Variants in RBFOX1 observed in about 807,000 individuals in gnomAD.
The protein encoded by RBFOX1 is RNA binding fox-1 homolog 1.
RBFOX1 carries 8 observed loss-of-function variants against 57.7 expected under a neutral mutation model. The ratio of observed to expected loss-of-function variants is 0.14; its 90% CI spans 0.08 to 0.25. RBFOX1 has a LOEUF of 0.25. RBFOX1 is among the 10% of genes least tolerant of loss of function. The pLI, the probability that RBFOX1 is intolerant of heterozygous loss-of-function variation, is 1.00. For synonymous variants in RBFOX1, 326 were observed against 222.4 expected, an observed-to-expected ratio of 1.47 and a Z score of -4.15; for missense variants, 611 against 548.5, an observed-to-expected ratio of 1.11 and a Z score of -1.14.
chr16:6,608,954 C>G (rs2097993110), intron 2 of RBFOX1, among the ~76,000 whole-genome samples: 1 of 152,104 alleles, frequency 6.6e-6, no homozygotes. Context: ...GGGTCACAGC[C>G]TTTTCCAAGT....
chr16:5,786,524 C>G (rs958436199), intron 3 of RBFOX1, among the ~76,000 whole-genome samples: 2 of 152,096 alleles, frequency 1.3e-5, no homozygotes, highest in Non-Finnish European at 2.9e-5. Flanking sequence ...GTTTCTGCCT[C>G]GAGAGGGTTC....
chr16:7,227,834 G>C (rs1015166006), intron 4 of RBFOX1, among the ~76,000 whole-genome samples: 1 of 152,214 alleles, frequency 6.6e-6, no homozygotes, highest in Non-Finnish European at 1.5e-5. Flanking sequence ...TAAGCCCACG[G>C]TGATGATGAC....
intron 1 of RBFOX1, among the ~76,000 whole-genome samples, chr16:6,211,176 T>TGTTTTTGCTTCCATGAGACAGAGC (rs2097294651): frequency 6.9e-6 from 1 of 145,430 alleles, no homozygotes; most frequent in Non-Finnish European, 1.5e-5. Context: ...TGAGACAGAG[T>TGTTTTTGCTTCCATGAGACAGAGC]GTTTTCTTCT....
At chr16:7,645,579 T>C (rs2063589006) in intron 11 of RBFOX1, among the ~76,000 whole-genome samples, 1 of 152,186 alleles carries the variant, frequency 6.6e-6, no homozygotes, top group South Asian at 2.1e-4. Context: ...TATAGGACAT[T>C]GCGTTTCTGT....
At chr16:6,221,333 T>G (rs2097372001) in intron 1 of RBFOX1, among the ~76,000 whole-genome samples, 1 of 152,224 alleles carries the variant, frequency 6.6e-6, no homozygotes, top group Admixed American at 6.5e-5. Context: ...ATTTCATTAC[T>G]AGTGAGGTTG....
intron 3 of RBFOX1, among the ~76,000 whole-genome samples, chr16:6,990,165 A>G (rs994000106): frequency 6.6e-6 from 1 of 152,198 alleles, no homozygotes; most frequent in African/African-American, 2.4e-5. Context: ...TTCAGTAAGT[A>G]TGTGTTGAAG....
chr16:7,377,072 C>T (rs973431060), intron 4 of RBFOX1, among the ~76,000 whole-genome samples: 1 of 152,190 alleles, frequency 6.6e-6, no homozygotes, highest in Admixed American at 6.5e-5. Flanking sequence ...TTAAAATTAG[C>T]TTTCAGTTTC....
chr16:5,395,437 C>G (rs776893152), intron 1 of RBFOX1, among the ~76,000 whole-genome samples: 1 of 148,722 alleles, frequency 6.7e-6, no homozygotes, highest in Non-Finnish European at 1.5e-5. Flanking sequence ...CGGGTGAGGT[C>G]ATGGGCCTTT....
chr16:6,109,822 A>G (rs181261062), intron 1 of RBFOX1, among the ~76,000 whole-genome samples: 201 of 152,322 alleles, frequency 1.3e-3, no homozygotes, highest in African/African-American at 4.5e-3. Flanking sequence ...GATAAGTTAC[A>G]TTCTTTTCTT....
chr16:6,470,596 G>A (rs1007717201), intron 2 of RBFOX1, among the ~76,000 whole-genome samples: 3 of 152,114 alleles, frequency 2.0e-5, no homozygotes, highest in Non-Finnish European at 2.9e-5. Context: ...CTATCCAGTT[G>A]CCTCTTGTGT....
chr16:5,569,203 C>G (rs976935518), intron 2 of RBFOX1, among the ~76,000 whole-genome samples: 3 of 152,126 alleles, frequency 2.0e-5, no homozygotes, highest in East Asian at 3.9e-4. Flanking sequence ...CTCCTAAAGT[C>G]AGGGCATTGG....
chr16:5,465,341 G>C (rs2068920252), intron 1 of RBFOX1, among the ~76,000 whole-genome samples: 1 of 151,806 alleles, frequency 6.6e-6, no homozygotes, highest in Non-Finnish European at 1.5e-5. Flanking sequence ...GACTGGATCA[G>C]GGCCCAGTCT....
At chr16:6,298,310 A>G (rs998695370) in intron 1 of RBFOX1, among the ~76,000 whole-genome samples, 21 of 152,108 alleles carry the variant, frequency 1.4e-4, no homozygotes, top group African/African-American at 5.1e-4. Context: ...TGCTCCATAG[A>G]CACCCTGGCT....
At chr16:6,110,669 A>G (rs11642079) in intron 1 of RBFOX1, among the ~76,000 whole-genome samples, 99,543 of 152,012 alleles carry the variant, frequency 0.65, 32,830 homozygotes, top group Middle Eastern at 0.72. Flanking sequence ...GGAACGGAGG[A>G]GTTGAATATC....
intron 7 of RBFOX1, among the ~76,000 whole-genome samples, chr16:7,590,072 C>T (rs527451363): frequency 9.9e-5 from 15 of 151,980 alleles, no homozygotes; most frequent in African/African-American, 3.6e-4. Context: ...TCAAGACCAG[C>T]CTGGACAACA....
At chr16:7,367,943 A>C (rs1391064375) in intron 4 of RBFOX1, among the ~76,000 whole-genome samples, 1 of 152,030 alleles carries the variant, frequency 6.6e-6, no homozygotes, top group African/African-American at 2.4e-5. Context: ...ACACATCATT[A>C]GCCCAAGGGT....
At chr16:7,421,993 GAATA>G (rs1319674918) in intron 4 of RBFOX1, among the ~76,000 whole-genome samples, 1 of 152,136 alleles carries the variant, frequency 6.6e-6, no homozygotes, top group Non-Finnish European at 1.5e-5. Context: ...GGAGAAAATA[GAATA>G]AAAACCCTCA....
intron 4 of RBFOX1, among the ~76,000 whole-genome samples, chr16:7,241,275 C>G (rs1456904800): frequency 2.6e-5 from 4 of 152,226 alleles, no homozygotes; most frequent in African/African-American, 9.6e-5. Context: ...CTCGGCACTA[C>G]TATTTATTCT....
intron 1 of RBFOX1, among the ~76,000 whole-genome samples, chr16:5,306,982 A>C (rs191939867): frequency 8.5e-5 from 13 of 152,190 alleles, no homozygotes; most frequent in African/African-American, 3.1e-4. Flanking sequence ...ATCTCAGCAA[A>C]ACTTTGGCAA....
Sources: gnomAD v4.1 joint callset for allele counts (sites outside exome capture counted in the v4.1 genomes callset) on GRCh38, gnomAD v4.1.1 for gene constraint, MANE v1.5 for transcripts, NCBI Gene and HGNC (gene_info 2026-07-23, HGNC 2026-07-21) for gene names.